Variants in MAGI2 observed in about 807,000 individuals in gnomAD.
MAGI2 encodes the protein membrane-associated guanylate kinase, WW and PDZ domain-containing protein 2.
A neutral mutation model predicts 133.3 loss-of-function variants in MAGI2; 35 were observed. That is an observed-to-expected ratio of 0.26 (90% CI 0.20 to 0.35). The LOEUF is 0.35. MAGI2 is among the 10% of genes least tolerant of loss of function. The pLI is 1.00. For synonymous variants in MAGI2, 729 were observed against 710.6 expected, an observed-to-expected ratio of 1.03 and a Z score of -0.41; for missense variants, 1,636 against 1,863.4, an observed-to-expected ratio of 0.88 and a Z score of 2.25.
rs1222027431 is a variant in MAGI2, at chr7:78,019,916, A to T, written c.3767T>A (p.Val1256Asp). ...TGGAGCGAGGCCGTCGTCCAGGGAGACGCCTACTTCCGGCAGACCTGGGGC... is the reference window on the plus strand; with the variant it reads ...TGGAGCGAGGCCGTCGTCCAGGGAGTCGCCTACTTCCGGCAGACCTGGGGC... ...AAAPGLPEVG[V>D]SLDDGLAPFS... Residue 1256 changes from valine to aspartate, a missense_variant, in exon 22 of 22, where the codon GTC (valine) becomes GAC (aspartate). By Grantham distance (152) the Val-to-Asp change is radical (BLOSUM62 -3). Coordinates refer to ENST00000354212, the MANE Select transcript of MAGI2 (RefSeq NM_012301.4). 3.7e-6 allele frequency: 6 copies of T among 1,609,982 alleles called. No homozygotes were observed. Among genetic ancestry groups the T allele is most frequent in the Non-Finnish European group, 5.1e-6 (6 of 1,178,630 alleles).
chr7:79,329,441 G>A (rs966988233), intron 1 of MAGI2, among the ~76,000 whole-genome samples: 12 of 152,212 alleles, frequency 7.9e-5, no homozygotes, highest in African/African-American at 2.9e-4. Flanking sequence ...ATAAAAGGAA[G>A]TATATGTGTA....
intron 6 of MAGI2, among the ~76,000 whole-genome samples, chr7:78,441,329 G>T (rs1176813843): frequency 6.6e-6 from 1 of 152,148 alleles, no homozygotes; most frequent in Non-Finnish European, 1.5e-5. Flanking sequence ...GGAATCTGTG[G>T]CTTTCTCTAA....
chr7:78,504,676 C>T lies in MAGI2; in HGVS notation c.755-2889G>A, dbSNP rs141838988. Among the ~76,000 whole-genome samples the T allele has an allele frequency of 1.5e-3, 225 of 152,202 alleles. 1 individual carries two copies. Among genetic ancestry groups the T allele is most frequent in the African/African-American group, 5.1e-3 (210 of 41,536 alleles). On this transcript the variant is annotated intron_variant, in intron 4 of 21. Transcript: ENST00000354212. ...ACTTTGAGTTATCTTACTTTGAGAACATATCCTCTAGAAATAAAGGCAGTA... is the reference window on the plus strand; with the variant it reads ...ACTTTGAGTTATCTTACTTTGAGAATATATCCTCTAGAAATAAAGGCAGTA...
At chr7:78,864,803 C>T (rs1375349134) in intron 2 of MAGI2, among the ~76,000 whole-genome samples, 1 of 151,984 alleles carries the variant, frequency 6.6e-6, no homozygotes, top group Non-Finnish European at 1.5e-5. Flanking sequence ...TTCATTTTTT[C>T]CCTTAGTACT....
chr7:79,119,794 T>G (rs1447894531), intron 1 of MAGI2, among the ~76,000 whole-genome samples: 1 of 151,984 alleles, frequency 6.6e-6, no homozygotes, highest in East Asian at 1.9e-4. Flanking sequence ...CTATCTACAG[T>G]ATGTTATTTA....
At chr7:78,788,764 A>G (rs537000056) in intron 2 of MAGI2, among the ~76,000 whole-genome samples, 15 of 152,180 alleles carry the variant, frequency 9.9e-5, no homozygotes, top group African/African-American at 3.1e-4. Context: ...TTTAAGTCCT[A>G]TTTCCTCTTA....
At position 78,133,042 on chromosome 7, in the gene MAGI2, G is replaced by C. The variant is rs961359642; in HGVS notation, c.3050C>G (p.Ser1017Trp). Residue 1017 changes from serine to tryptophan, a missense_variant, in exon 18 of 22, where the codon TCG becomes TGG. Around this residue, in one of 5 missense-constraint regions of MAGI2, gnomAD observed 920 missense variants for 1,093.5 expected, o/e 0.84. Transcript: ENST00000354212. ...ACTCTGCTTCTCTGAGCTGGGTGCCGAGGTGGGGCTGTTGAGCTCTGCGAT... is the reference window on the plus strand; with the variant it reads ...ACTCTGCTTCTCTGAGCTGGGTGCCCAGGTGGGGCTGTTGAGCTCTGCGAT... ...IPQEELNSPT[S>W]APSSEKQSPM... The C allele has an allele frequency of 6.3e-7, 1 of 1,576,388 alleles. No homozygotes were observed. The highest frequency in any genetic ancestry group is 1.4e-5 in the African/African-American group (1 of 73,024).
At chr7:78,224,700 T>C (rs564858801) in intron 10 of MAGI2, among the ~76,000 whole-genome samples, 1 of 151,872 alleles carries the variant, frequency 6.6e-6, no homozygotes, top group East Asian at 1.9e-4. Context: ...GTAAATTTTT[T>C]TTTTTTTTTT....
At chr7:78,072,917 C>T (rs1047902260) in intron 21 of MAGI2, 4 of 398,492 alleles carry the variant, frequency 1.0e-5, no homozygotes, top group Non-Finnish European at 1.8e-5. Flanking sequence ...CTTGGCCTCC[C>T]AAAGTGTTAG....
intron 6 of MAGI2, among the ~76,000 whole-genome samples, chr7:78,438,921 T>C (rs144701561): frequency 2.6e-5 from 4 of 152,284 alleles, no homozygotes; most frequent in African/African-American, 9.6e-5. Flanking sequence ...TACTCAGTGA[T>C]GAAAACATCT....
chr7:78,296,147 A>G (rs1194136181), intron 9 of MAGI2, among the ~76,000 whole-genome samples: 1 of 152,148 alleles, frequency 6.6e-6, no homozygotes, highest in African/African-American at 2.4e-5. Context: ...TACAAACCAG[A>G]GTAACATTTT....
chr7:78,885,218 T>TG (rs1457840865), intron 2 of MAGI2, among the ~76,000 whole-genome samples: 1 of 152,136 alleles, frequency 6.6e-6, no homozygotes, highest in Non-Finnish European at 1.5e-5. Context: ...GCTCACTACC[T>TG]GGGGGTTAAA....
intron 2 of MAGI2, among the ~76,000 whole-genome samples, chr7:78,879,696 C>G (rs930965083): frequency 1.3e-5 from 2 of 151,938 alleles, no homozygotes; most frequent in East Asian, 3.9e-4. Context: ...GTGACATGAC[C>G]AAAGGATCAT....
At chr7:78,971,360 C>A (rs1341748486) in intron 2 of MAGI2, among the ~76,000 whole-genome samples, 2 of 151,922 alleles carry the variant, frequency 1.3e-5, no homozygotes, top group Admixed American at 6.6e-5. Flanking sequence ...TGACTATTAG[C>A]ATCTAATAAA....
intron 1 of MAGI2, among the ~76,000 whole-genome samples, chr7:79,023,357 G>A (rs1373795467): frequency 6.6e-6 from 1 of 152,058 alleles, no homozygotes. Context: ...AGCTATCTAT[G>A]AAAAACCCAC....
At chr7:78,021,238 C>T (rs1808366358) in intron 21 of MAGI2, among the ~76,000 whole-genome samples, 1 of 152,134 alleles carries the variant, frequency 6.6e-6, no homozygotes, top group Non-Finnish European at 1.5e-5. Context: ...GTCTCATGAC[C>T]TTGGAAATGC....
chr7:78,274,993 G>GA (rs113687883), intron 9 of MAGI2, among the ~76,000 whole-genome samples: 31,011 of 149,832 alleles, frequency 0.21, 3,448 homozygotes, highest in South Asian at 0.31. Context: ...ACTGGGGTAT[G>GA]AAAAAAAAAA....
intron 10 of MAGI2, among the ~76,000 whole-genome samples, chr7:78,212,662 G>A (rs956547089): frequency 6.6e-6 from 1 of 152,152 alleles, no homozygotes; most frequent in Non-Finnish European, 1.5e-5. Flanking sequence ...AATGTATTAT[G>A]GTAGCAGTAG....
chr7:79,347,533 G>A (rs914626736), intron 1 of MAGI2, among the ~76,000 whole-genome samples: 1 of 151,678 alleles, frequency 6.6e-6, no homozygotes, highest in Non-Finnish European at 1.5e-5. Context: ...CTAGGCCTAT[G>A]TTACACACGA....
Sources: allele counts gnomAD v4.1 joint callset (sites outside exome capture counted in the v4.1 genomes callset), GRCh38; gene constraint gnomAD v4.1.1; regional missense constraint gnomAD v4.1.1; transcripts MANE v1.5; gene names NCBI Gene and HGNC (gene_info 2026-07-23, HGNC 2026-07-21).